Variants in CNBD1 observed in about 807,000 individuals in gnomAD.
CNBD1 encodes the protein cyclic nucleotide binding domain containing 1.
In CNBD1, 71 loss-of-function variants were observed where a neutral mutation model predicts 54.4. That is an observed-to-expected ratio of 1.30 (90% CI 1.08 to 1.59). The LOEUF (loss-of-function observed/expected upper bound fraction) is 1.59, where lower values mean the gene tolerates loss of function less well. Among genes scored for constraint, CNBD1 ranks in the 40% most tolerant of loss-of-function variants. The pLI is 0.00. For missense variants in CNBD1, 659 were observed against 518.0 expected (o/e 1.27, Z -2.64); for synonymous variants, 182 against 170.7 (o/e 1.07, Z -0.51).
downstream of CNBD1, among the ~76,000 whole-genome samples, chr8:87,386,146 A>C (rs993477281): frequency 6.6e-6 from 1 of 152,120 alleles, no homozygotes; most frequent in Non-Finnish European, 1.5e-5. Flanking sequence ...AAGTAGATAA[A>C]ATCACAAAGT....
At chr8:86,900,410 C>T (rs1236452089) in intron 2 of CNBD1, among the ~76,000 whole-genome samples, 6 of 152,100 alleles carry the variant, frequency 3.9e-5, no homozygotes, top group Admixed American at 3.9e-4. Flanking sequence ...ACAGGCATTG[C>T]ATTTGTATGT....
chr8:87,082,455 C>T (rs1244794515), intron 4 of CNBD1, among the ~76,000 whole-genome samples: 1 of 152,186 alleles, frequency 6.6e-6, no homozygotes, highest in Non-Finnish European at 1.5e-5. Context: ...ACACTGATCA[C>T]TTTATAGTCA....
Position 87,353,735 on chromosome 8 carries a change from A to C in CNBD1, c.1252A>C (p.Ile418Leu), listed in dbSNP as rs757932532. The C allele has an allele frequency of 8.7e-6, 14 of 1,611,546 alleles. No individual in the cohort carries two copies. Among genetic ancestry groups the C allele is most frequent in the African/African-American group, 1.3e-5 (1 of 74,874 alleles). ...TCAAGTTCCTTTCACGTGCACAATC[A>C]TTACCAAAAAAGAAGTTGAGATGGC... ...LLQVPFTCTI[I>L]TKKEVEMAII... The change falls in exon 10 of 11, where the codon ATT becomes CTT. Residue 418 changes from isoleucine to leucine, a missense_variant. Transcript: ENST00000518476.
intron 4 of CNBD1, among the ~76,000 whole-genome samples, chr8:87,118,855 A>G (rs1215228916): frequency 6.6e-6 from 1 of 152,206 alleles, no homozygotes; most frequent in Non-Finnish European, 1.5e-5. Context: ...AAGGCCCTAC[A>G]TATTTTTCTT....
intron 4 of CNBD1, among the ~76,000 whole-genome samples, chr8:87,128,806 G>A (rs1054175549): frequency 9.9e-5 from 15 of 151,174 alleles, no homozygotes; most frequent in African/African-American, 2.4e-5. Flanking sequence ...ATGTTCAGCC[G>A]GGTGCAGTGG....
At chr8:87,355,168 A>T (rs1000809162) in intron 10 of CNBD1, among the ~76,000 whole-genome samples, 1 of 152,236 alleles carries the variant, frequency 6.6e-6, no homozygotes, top group Non-Finnish European at 1.5e-5. Context: ...CAACATAGCT[A>T]TACACTGCCC....
At chr8:87,040,423 C>CTT (rs71277911) in intron 4 of CNBD1, among the ~76,000 whole-genome samples, 1,607 of 129,350 alleles carry the variant, frequency 0.012, 33 homozygotes, top group Non-Finnish European at 0.018. Context: ...AATTCTTTTT[C>CTT]TTTTTTTTTT....
intron 2 of CNBD1, among the ~76,000 whole-genome samples, chr8:87,411,397 C>CATATAT (rs6150689): frequency 0.076 from 7,010 of 92,208 alleles, 459 homozygotes; most frequent in Middle Eastern, 0.11. Context: ...CTAGCTATAT[C>CATATAT]ATATATATAT....
rs571588186 is a variant in CNBD1, at chr8:87,370,852, T to C, written c.1304-11768T>C. ...CCTAGGTTTTCTTCTAGGGTTTTTA[T>C]GGTTTTAGGTCTAACGTTTAAGTCT... On this transcript the variant is annotated intron_variant, in intron 10 of 10. Transcript: ENST00000518476. Among the ~76,000 whole-genome samples, 265 of 150,974 alleles carry C rather than the reference T, an allele frequency of 1.8e-3. 4 individuals carry two copies. The highest frequency in any genetic ancestry group is 6.1e-3 in the African/African-American group (248 of 40,724).
intron 4 of CNBD1, among the ~76,000 whole-genome samples, chr8:87,016,306 A>G (rs1193792554): frequency 1.3e-5 from 2 of 151,976 alleles, no homozygotes; most frequent in African/African-American, 4.8e-5. Context: ...AGTTAAAATA[A>G]TAAAAGCATA....
chr8:87,343,416 G>A (rs573744028), intron 8 of CNBD1, among the ~76,000 whole-genome samples: 9 of 152,306 alleles, frequency 5.9e-5, no homozygotes, highest in South Asian at 4.1e-4. Flanking sequence ...AATTATTAAA[G>A]TATTAATTTT....
intron 4 of CNBD1, among the ~76,000 whole-genome samples, chr8:87,139,055 AATTT>A (rs1216854656): frequency 6.6e-6 from 1 of 152,172 alleles, no homozygotes; most frequent in Non-Finnish European, 1.5e-5. Context: ...CTTTTGTCGT[AATTT>A]TTCATTCAAA....
chr8:87,418,681 AT>A lies in CNBD1; in HGVS notation c.214-9862del, dbSNP rs766280543. ...TTCAACAATAAAACAAAAATACCTT[AT>A]TTAAAAATAGACAAATGATTTAAAT... On this transcript the variant is annotated intron_variant, in intron 2 of 7. Coordinates refer to the CNBD1 transcript ENST00000521593. Among the ~76,000 whole-genome samples the A allele has an allele frequency of 9.2e-5, 14 of 151,966 alleles. No individual in the cohort carries two copies. The East Asian group carries it at 2.5e-3, about 27-fold the overall frequency.
At chr8:87,341,849 T>G (rs1021066173) in intron 8 of CNBD1, among the ~76,000 whole-genome samples, 1 of 152,250 alleles carries the variant, frequency 6.6e-6, no homozygotes, top group Non-Finnish European at 1.5e-5. Context: ...AATGTGTTTC[T>G]GCTCTTTATA....
At chr8:87,239,780 A>C (rs1452270410) in intron 6 of CNBD1, among the ~76,000 whole-genome samples, 1 of 152,106 alleles carries the variant, frequency 6.6e-6, no homozygotes, top group East Asian at 1.9e-4. Flanking sequence ...CTGGACGAAA[A>C]ATAAGTGCAG....
intron 3 of CNBD1, among the ~76,000 whole-genome samples, chr8:86,928,896 C>T (rs1182322159): frequency 6.6e-6 from 1 of 152,136 alleles, no homozygotes; most frequent in East Asian, 1.9e-4. Flanking sequence ...AAGTATTTTC[C>T]ACTGGCTGGC....
intron 4 of CNBD1, among the ~76,000 whole-genome samples, chr8:87,007,053 C>T (rs770652385): frequency 3.3e-5 from 5 of 152,026 alleles, no homozygotes; most frequent in Non-Finnish European, 7.4e-5. Context: ...AAAAATTAGC[C>T]AGGCGTGGTG....
chr8:87,213,172 A>G (rs1437644984), intron 5 of CNBD1, among the ~76,000 whole-genome samples: 1 of 152,228 alleles, frequency 6.6e-6, no homozygotes, highest in Non-Finnish European at 1.5e-5. Context: ...CCCCACTAAC[A>G]TGATTAAAAT....
intron 4 of CNBD1, among the ~76,000 whole-genome samples, chr8:87,013,061 C>T (rs1428479578): frequency 3.9e-5 from 6 of 152,130 alleles, no homozygotes; most frequent in Non-Finnish European, 5.9e-5. Context: ...GCCTAATGTG[C>T]GGCCTCAGAG....
Sources: allele counts gnomAD v4.1 joint callset (sites outside exome capture counted in the v4.1 genomes callset), GRCh38; gene constraint gnomAD v4.1.1; transcripts MANE v1.5; gene names NCBI Gene and HGNC (gene_info 2026-07-23, HGNC 2026-07-21).